The following SATB2 variants were observed in gnomAD, a reference collection of about 807,000 sequenced individuals.
SATB2 encodes SATB homeobox 2, also known as DNA-binding protein SATB2.
In SATB2, 1 loss-of-function variant was observed where a neutral mutation model predicts 73.4. The observed-to-expected ratio is 0.01, with a 90% CI of 0.00 to 0.06. SATB2 has a LOEUF of 0.06. Among genes scored for constraint, SATB2 ranks in the 10% least tolerant of loss-of-function variants. SATB2 has a pLI of 1.00. For missense variants in SATB2, 459 were observed against 945.8 expected (o/e 0.49, Z 6.75); for synonymous variants, 397 against 367.0 (o/e 1.08, Z -0.93).
At chr2:199,276,877 G>A (rs1030577996) in intron 10 of SATB2, among the ~76,000 whole-genome samples, 1 of 152,002 alleles carries the variant, frequency 6.6e-6, no homozygotes, top group Non-Finnish European at 1.5e-5. Context: ...CCTCTAAAAC[G>A]CATGCTCATA....
intron 3 of SATB2, among the ~76,000 whole-genome samples, chr2:199,383,202 T>C (rs532250321): frequency 6.6e-6 from 1 of 152,342 alleles, no homozygotes; most frequent in South Asian, 2.1e-4. Context: ...ACAGCTCTCA[T>C]TCATAGTACC....
chr2:199,424,442 C>T (rs1691267885), intron 3 of SATB2, among the ~76,000 whole-genome samples: 1 of 152,072 alleles, frequency 6.6e-6, no homozygotes, highest in South Asian at 2.1e-4. Flanking sequence ...GCTCTGGGTC[C>T]CACTTATATG....
At chr2:199,366,812 T>A (rs1351670812) in intron 6 of SATB2, among the ~76,000 whole-genome samples, 1 of 140,830 alleles carries the variant, frequency 7.1e-6, no homozygotes, top group African/African-American at 2.6e-5. Context: ...TTACTATCTT[T>A]AAAAAAAAAA....
At chr2:199,412,443 GGCTGCCCTTGGGCAGGGGAAGGAACCCCT>G (rs1690849223) in intron 3 of SATB2, among the ~76,000 whole-genome samples, 1 of 152,168 alleles carries the variant, frequency 6.6e-6, no homozygotes, top group Non-Finnish European at 1.5e-5. Flanking sequence ...CAAGGAGAGA[GGCTGCCCTTGGGCAGGGGAAGGAACCCCT>G]CACCACACGC....
intron 3 of SATB2, among the ~76,000 whole-genome samples, chr2:199,426,692 CAA>C (rs200293007): frequency 3.2e-4 from 41 of 128,240 alleles, no homozygotes; most frequent in Middle Eastern, 4.1e-3. Context: ...CATTCTCTCT[CAA>C]AAAAAAAAAA....
At chr2:199,314,297 T>G (rs1296648693) in intron 9 of SATB2, among the ~76,000 whole-genome samples, 3 of 152,146 alleles carry the variant, frequency 2.0e-5, no homozygotes, top group South Asian at 4.1e-4. Context: ...ATTATTAGAG[T>G]ACACAGAAAT....
chr2:199,342,828 A>G (rs1177209298), intron 7 of SATB2, among the ~76,000 whole-genome samples: 1 of 152,224 alleles, frequency 6.6e-6, no homozygotes, highest in East Asian at 1.9e-4. Context: ...TTATATTCTT[A>G]AAAGACATAT....
chr2:199,380,222 C>T, intron 5 of SATB2, 142 bp downstream of exon 5: 2 of 1,109,366 alleles, frequency 1.8e-6, no homozygotes, highest in East Asian at 2.4e-5. Flanking sequence ...CCAGAAGCAA[C>T]ATAATCTTTT....
chr2:199,284,004 G>T (rs962546014), intron 10 of SATB2, among the ~76,000 whole-genome samples: 1 of 152,064 alleles, frequency 6.6e-6, no homozygotes, highest in African/African-American at 2.4e-5. Flanking sequence ...ATGGTTATTC[G>T]GATCTGCATA....
intron 7 of SATB2, among the ~76,000 whole-genome samples, chr2:199,336,312 C>T (rs1688337456): frequency 6.6e-6 from 1 of 152,100 alleles, no homozygotes. Context: ...TCTACTCACA[C>T]CTCAAGTACC....
chr2:199,375,014 C>G, intron 5 of SATB2, among the ~76,000 whole-genome samples: 1 of 151,756 alleles, frequency 6.6e-6, no homozygotes, highest in Non-Finnish European at 1.5e-5. Context: ...AAGACTGTCT[C>G]TTTAGTCATC....
At position 199,272,640 on chromosome 2, in the gene SATB2, C is replaced by T. The variant is rs371490566; in HGVS notation, c.1773G>A (p.Lys591=). The change falls in exon 11 of 11, where the codon AAG becomes AAA. Residue 591 remains lysine (K), a synonymous_variant. Transcript: ENST00000417098. This position sits in a 1 kb window ranked among gnomAD's most constrained non-coding sequence, Gnocchi z 6.7. The part of the protein sequence containing the change: ...VLHRQQSQPA[K]ESSPPREEAP... The stretch of plus-strand genomic sequence containing the variant: ...CTTCTTCTCTGGGAGGGGAACTCTC[C>T]TTGGCTGGCTGAGACTGCTGTCTAT... 1.9e-6 allele frequency: 3 copies of T among 1,613,956 alleles called. No individual in the cohort carries two copies. In the African/African-American group the frequency reaches 4.0e-5, roughly 22 times the overall value.
intron 6 of SATB2, among the ~76,000 whole-genome samples, chr2:199,362,444 T>C (rs1689167620): frequency 6.9e-6 from 1 of 145,742 alleles, no homozygotes; most frequent in Non-Finnish European, 1.5e-5. Flanking sequence ...ATCACTACTA[T>C]ATATTTACCA....
chr2:199,280,228 T>C (rs1559139734), intron 10 of SATB2, among the ~76,000 whole-genome samples: 2 of 152,240 alleles, frequency 1.3e-5, no homozygotes, highest in African/African-American at 4.8e-5. Flanking sequence ...ACTTCCCCGA[T>C]CAATACCCTT....
At chr2:199,340,033 C>A (rs568619232) in intron 7 of SATB2, among the ~76,000 whole-genome samples, 143 of 152,244 alleles carry the variant, frequency 9.4e-4, no homozygotes, top group Non-Finnish European at 1.7e-3. Flanking sequence ...GTCAACAGAG[C>A]ATAAAAGCAA....
intron 7 of SATB2, chr2:199,348,016 C>G (rs1488723145): frequency 6.6e-6 from 1 of 152,230 alleles, no homozygotes; most frequent in African/African-American, 2.4e-5. Context: ...CTGATGCACA[C>G]TCCAGTTTAA....
Position 199,360,708 on chromosome 2 carries a change from T to C in SATB2, c.700+7897A>G, listed in dbSNP as rs180779309. On this transcript the variant is annotated intron_variant, in intron 6 of 10. Transcript: ENST00000417098. ...CCTCTTCCTCTTCAAAACTGCTGGCTCCATCCTCTTTCTGATAATTACACT... is the reference window on the plus strand; with the variant it reads ...CCTCTTCCTCTTCAAAACTGCTGGCCCCATCCTCTTTCTGATAATTACACT... 1.6e-3 allele frequency among the ~76,000 whole-genome samples: 244 copies of C among 152,230 alleles called. 2 individuals are homozygous for C. The highest frequency in any genetic ancestry group is 2.4e-3 in the Non-Finnish European group (166 of 68,012).
At chr2:199,404,522 T>C (rs1690575999) in intron 3 of SATB2, among the ~76,000 whole-genome samples, 1 of 152,162 alleles carries the variant, frequency 6.6e-6, no homozygotes, top group Non-Finnish European at 1.5e-5. Context: ...AAAAGCATCA[T>C]TTAAATCAGA....
intron 3 of SATB2, among the ~76,000 whole-genome samples, chr2:199,404,890 G>T (rs935442252): frequency 6.6e-6 from 1 of 152,112 alleles, no homozygotes; most frequent in Non-Finnish European, 1.5e-5. Context: ...TCCCAGAAGC[G>T]CAAATCTCCA....
Sources: gnomAD v4.1 joint callset for allele counts (sites outside exome capture counted in the v4.1 genomes callset) on GRCh38, gnomAD v4.1.1 for gene constraint, Gnocchi (gnomAD v3.1) non-coding constraint, MANE v1.5 for transcripts, NCBI Gene and HGNC (gene_info 2026-07-23, HGNC 2026-07-21) for gene names.